The following MED12L variants were observed in gnomAD, a reference collection of about 807,000 sequenced individuals.
MED12L encodes the protein mediator complex subunit 12L, also known as mediator of RNA polymerase II transcription subunit 12-like protein.
A neutral mutation model predicts 281.3 loss-of-function variants in MED12L; 60 were observed. That is an observed-to-expected ratio of 0.21 (90% CI 0.17 to 0.26). The LOEUF (loss-of-function observed/expected upper bound fraction) is 0.26, where lower values mean the gene tolerates loss of function less well. Ranked by LOEUF, MED12L falls within the 10% of genes least tolerant of loss-of-function variation. The pLI, the probability that MED12L is intolerant of heterozygous loss-of-function variation, is 1.00. For missense variants in MED12L, 2,146 were observed against 2,680.9 expected (o/e 0.80, Z 4.41); for synonymous variants, 974 against 987.2 (o/e 0.99, Z 0.25).
intron 39 of MED12L, among the ~76,000 whole-genome samples, 158 bp downstream of exon 39, chr3:151,395,025 TC>T (rs1332059534): frequency 2.0e-5 from 3 of 152,218 alleles, no homozygotes; most frequent in African/African-American, 7.2e-5. Flanking sequence ...TAAATAGTTT[TC>T]CTCCATTGTA....
chr3:151,253,005 AT>A (rs1395212835), intron 16 of MED12L, among the ~76,000 whole-genome samples: 1 of 152,200 alleles, frequency 6.6e-6, no homozygotes, highest in Non-Finnish European at 1.5e-5. Context: ...CTTAAAATAA[AT>A]ATTACATGTC....
intron 16 of MED12L, among the ~76,000 whole-genome samples, chr3:151,233,012 A>G (rs1310289102): frequency 6.6e-6 from 1 of 152,194 alleles, no homozygotes; most frequent in Non-Finnish European, 1.5e-5. Flanking sequence ...ATTACCAGAC[A>G]GTGTATGTGC....
At position 151,107,868 on chromosome 3, in the gene MED12L, A is replaced by C. The variant is rs373290806; in HGVS notation, c.100-8470A>C. ...GTCTCAATCGTAGGTAAGCCTATGC[A>C]TTCAAACGCAGATCCATGTGACTCG... On this transcript the variant is annotated intron_variant, in intron 2 of 44. Transcript: ENST00000687756. Among the ~76,000 whole-genome samples, 16 of 152,276 alleles carry C rather than the reference A, an allele frequency of 1.1e-4. No homozygotes were observed. In the East Asian group the frequency reaches 1.2e-3, roughly 11 times the overall value.
At chr3:151,304,803 G>A (rs375106150) in intron 16 of MED12L, among the ~76,000 whole-genome samples, 10 of 152,134 alleles carry the variant, frequency 6.6e-5, no homozygotes, top group African/African-American at 1.4e-4. Context: ...AATGATGAAC[G>A]TTTACAAAGC....
intron 16 of MED12L, chr3:151,294,794 CGA>C: frequency 6.2e-7 from 1 of 1,614,046 alleles, no homozygotes; most frequent in Non-Finnish European, 8.5e-7. Flanking sequence ...GCTGTACATC[CGA>C]GAGTCCCCAA....
intron 43 of MED12L, among the ~76,000 whole-genome samples, chr3:151,420,846 A>G (rs2108421454): frequency 6.6e-6 from 1 of 152,312 alleles, no homozygotes; most frequent in South Asian, 2.1e-4. Context: ...GAGTCCACGG[A>G]TGGTAGTCTT....
At chr3:151,114,369 C>T (rs1712401461) in intron 2 of MED12L, among the ~76,000 whole-genome samples, 1 of 152,180 alleles carries the variant, frequency 6.6e-6, no homozygotes, top group Non-Finnish European at 1.5e-5. Context: ...TTAGTAAGAG[C>T]ACACATAATT....
chr3:151,356,624 T>G (rs1049546121), intron 19 of MED12L, among the ~76,000 whole-genome samples: 1 of 150,136 alleles, frequency 6.7e-6, no homozygotes, highest in Admixed American at 6.7e-5. Context: ...GTTTCTTCTG[T>G]TTTTTTTTGT....
chr3:151,199,071 C>T (rs755653141), intron 16 of MED12L: 2 of 1,613,788 alleles, frequency 1.2e-6, no homozygotes, highest in African/African-American at 2.7e-5. Flanking sequence ...CTGACAAATG[C>T]TAAGAAGATA....
intron 5 of MED12L, among the ~76,000 whole-genome samples, chr3:151,130,945 A>AAC: frequency 6.6e-6 from 1 of 152,332 alleles, no homozygotes; most frequent in Middle Eastern, 3.4e-3. Context: ...TGAGTCTCTG[A>AAC]AGACAGTACT....
chr3:151,090,056 T>G (rs1415682168), intron 2 of MED12L, among the ~76,000 whole-genome samples: 2 of 152,152 alleles, frequency 1.3e-5, no homozygotes, highest in Non-Finnish European at 2.9e-5. Context: ...TTCTGGTCTT[T>G]CTGCCTGGAC....
At chr3:151,422,511 A>G (rs563962596) in intron 43 of MED12L, among the ~76,000 whole-genome samples, 1 of 152,114 alleles carries the variant, frequency 6.6e-6, no homozygotes, top group Non-Finnish European at 1.5e-5. Context: ...CTCCCTGTGC[A>G]TATACGTGTC....
chr3:151,380,896 T>C (rs1314455393), intron 32 of MED12L, among the ~76,000 whole-genome samples: 1 of 152,194 alleles, frequency 6.6e-6, no homozygotes, highest in Non-Finnish European at 1.5e-5. Flanking sequence ...GATGCCACAT[T>C]ATCAGGCACG....
At chr3:151,367,900 T>C (rs9289835) in intron 24 of MED12L, 134 bp downstream of exon 24, 12,592 of 1,063,986 alleles carry the variant, frequency 0.012, 124 homozygotes, top group Non-Finnish European at 0.016. Context: ...AAGGTAGATA[T>C]GGTAGAATTT....
chr3:151,372,785 C>T lies in MED12L; in HGVS notation c.3864+19C>T. ...TCAACAGGTATTCTAATTTAATTTG[C>T]CTTTTACTTTGAGTACGTAACTCTT... On this transcript the variant is annotated intron_variant, in intron 27 of 44. Coordinates refer to ENST00000687756, the MANE Select transcript of MED12L (RefSeq NM_001393769.1). The T allele has an allele frequency of 2.5e-6, 4 of 1,601,634 alleles. No individual in the cohort carries two copies. Among genetic ancestry groups the T allele is most frequent in the Non-Finnish European group, 3.4e-6 (4 of 1,169,172 alleles).
chr3:151,360,320 T>A (rs1212481697), intron 20 of MED12L, among the ~76,000 whole-genome samples, 154 bp from the exon 21 acceptor site: 2 of 152,326 alleles, frequency 1.3e-5, no homozygotes, highest in East Asian at 3.9e-4. Context: ...AAAATTATAT[T>A]GTACTGAGTT....
intron 21 of MED12L, among the ~76,000 whole-genome samples, chr3:151,361,883 A>C (rs1192689029): frequency 6.6e-6 from 1 of 151,998 alleles, no homozygotes; most frequent in African/African-American, 2.4e-5. Context: ...CTACCCCCAC[A>C]GGCAGCACTA....
chr3:151,241,791 C>T lies in MED12L; in HGVS notation c.2250+48125C>T, dbSNP rs145984473. ...TGAATTAGGGGAGGAGCCAAGATGG[C>T]CCAATAGGAACAGCTCCGGTCTACA... On this transcript the variant is annotated intron_variant, in intron 16 of 44. Transcript: ENST00000687756. 1,414 of 153,772 alleles carry T rather than the reference C, an allele frequency of 9.2e-3. 18 individuals carry two copies. Among genetic ancestry groups the T allele is most frequent in the African/African-American group, 0.032 (1,337 of 41,404 alleles). The allele number at this position is 153,772 out of a possible 1,614,324, so 9.5% of individuals were successfully genotyped here.
chr3:151,350,181 T>G lies in MED12L; in HGVS notation c.2373T>G (p.Asn791Lys). ...CCAAAGATATCCTGAAAATTCTAAA[T>G]AAGAAGAGCACCACAGAGACAGGGG... ...KITKDILKIL[N>K]KKSTTETGVG... Residue 791 changes from asparagine (N) to lysine (K), a missense_variant, in exon 17 of 45, where the codon AAT (asparagine) becomes AAG (lysine). This residue lies in a region of MED12L where 404 missense variants were observed against 603.5 expected (regional missense o/e 0.67). Coordinates refer to ENST00000687756, the MANE Select transcript of MED12L (RefSeq NM_001393769.1). The G allele has an allele frequency of 6.2e-7, 1 of 1,613,882 alleles. No individual in the cohort carries two copies. Among genetic ancestry groups the G allele is most frequent in the Non-Finnish European group, 8.5e-7 (1 of 1,179,884 alleles).
Sources: allele counts gnomAD v4.1 joint callset (sites outside exome capture counted in the v4.1 genomes callset), GRCh38; gene constraint gnomAD v4.1.1; regional missense constraint gnomAD v4.1.1; transcripts MANE v1.5; gene names NCBI Gene and HGNC (gene_info 2026-07-23, HGNC 2026-07-21).